The following MALRD1 variants were observed in gnomAD, a reference collection of about 807,000 sequenced individuals.
MALRD1 encodes the protein MAM and LDL receptor class A domain containing 1.
In MALRD1, 247 loss-of-function variants were observed where a neutral mutation model predicts 242.1. That is an observed-to-expected ratio of 1.02 (90% CI 0.92 to 1.13). The LOEUF (loss-of-function observed/expected upper bound fraction) is 1.13, where lower values mean the gene tolerates loss of function less well. Ranked by LOEUF, MALRD1 falls within the 50% of genes most tolerant of loss-of-function variation. The pLI, the probability that MALRD1 is intolerant of heterozygous loss-of-function variation, is 0.00. For synonymous variants in MALRD1, 995 were observed against 866.6 expected, an observed-to-expected ratio of 1.15 and a Z score of -2.60; for missense variants, 2,989 against 2,533.1, an observed-to-expected ratio of 1.18 and a Z score of -3.86.
At chr10:19,253,026 A>T (rs1839361543) in intron 18 of MALRD1, among the ~76,000 whole-genome samples, 1 of 151,978 alleles carries the variant, frequency 6.6e-6, no homozygotes, top group East Asian at 1.9e-4. Context: ...TAAATATTAG[A>T]TCGTTGTCTG....
intron 21 of MALRD1, among the ~76,000 whole-genome samples, chr10:19,323,474 C>G (rs1842987042): frequency 6.6e-6 from 1 of 152,020 alleles, no homozygotes; most frequent in South Asian, 2.1e-4. Flanking sequence ...ACTATGGGTT[C>G]AAAATCAAAG....
intron 29 of MALRD1, among the ~76,000 whole-genome samples, chr10:19,481,199 C>T (rs1836980473): frequency 6.6e-6 from 1 of 152,098 alleles, no homozygotes; most frequent in Non-Finnish European, 1.5e-5. Context: ...TTTCTGTGCA[C>T]TAATACATGG....
At chr10:19,199,102 C>T (rs1310955444) in intron 14 of MALRD1, among the ~76,000 whole-genome samples, 2 of 152,246 alleles carry the variant, frequency 1.3e-5, no homozygotes, top group East Asian at 3.9e-4. Context: ...CCTAAGCCAA[C>T]ATACTAGAAT....
At chr10:19,450,818 A>T (rs1835281941) in intron 29 of MALRD1, among the ~76,000 whole-genome samples, 1 of 152,154 alleles carries the variant, frequency 6.6e-6, no homozygotes, top group African/African-American at 2.4e-5. Flanking sequence ...GCTGGTTAAT[A>T]GATGGCACCT....
rs540745411 is a variant in MALRD1, at chr10:19,603,514, T to C, written c.5945-4263T>C. Among the ~76,000 whole-genome samples, 95 of 152,230 alleles carry C rather than the reference T, an allele frequency of 6.2e-4. 2 individuals are homozygous for C. In the South Asian group the frequency reaches 0.019, roughly 31 times the overall value. The stretch of plus-strand genomic sequence containing the variant: ...AGATCAGATGGTTGTAGATGTGTGG[T>C]ATTATTTCTGAGGGCTCTGTTCTGT... On this transcript the variant is annotated intron_variant, in intron 34 of 39. Coordinates refer to ENST00000454679, the MANE Select transcript of MALRD1 (RefSeq NM_001142308.3).
intron 28 of MALRD1, among the ~76,000 whole-genome samples, chr10:19,444,433 G>C (rs1834846424): frequency 6.6e-6 from 1 of 152,080 alleles, no homozygotes; most frequent in Non-Finnish European, 1.5e-5. Flanking sequence ...GCATGTTTTT[G>C]CAGTGCCTGG....
intron 7 of MALRD1, among the ~76,000 whole-genome samples, chr10:19,126,195 T>G (rs1359120331): frequency 6.6e-6 from 1 of 152,142 alleles, no homozygotes; most frequent in African/African-American, 2.4e-5. Flanking sequence ...CTTTGTTATT[T>G]GAAAATTTCA....
chr10:19,085,743 A>T (rs1211038867), intron 2 of MALRD1, among the ~76,000 whole-genome samples: 1 of 152,016 alleles, frequency 6.6e-6, no homozygotes, highest in Admixed American at 6.6e-5. Context: ...ATTATTTAAT[A>T]ACTTAATGTG....
chr10:19,568,273 C>T (rs962998759), intron 33 of MALRD1, among the ~76,000 whole-genome samples: 7 of 152,134 alleles, frequency 4.6e-5, no homozygotes, highest in Non-Finnish European at 1.0e-4. Context: ...CTTACTGAGT[C>T]TTCCATTTAA....
At chr10:19,402,273 G>T (rs890359713) in intron 28 of MALRD1, among the ~76,000 whole-genome samples, 3 of 152,150 alleles carry the variant, frequency 2.0e-5, no homozygotes, top group African/African-American at 7.2e-5. Context: ...AACGTAGCAA[G>T]ACCCCATGAT....
At chr10:19,684,136 A>T (rs1842480830) in intron 36 of MALRD1, among the ~76,000 whole-genome samples, 1 of 152,170 alleles carries the variant, frequency 6.6e-6, no homozygotes, top group African/African-American at 2.4e-5. Context: ...TTATGTCTGC[A>T]TATTTTAACT....
intron 38 of MALRD1, among the ~76,000 whole-genome samples, chr10:19,700,350 A>G (rs1458027570): frequency 1.3e-5 from 2 of 152,132 alleles, no homozygotes; most frequent in Non-Finnish European, 1.5e-5. Context: ...CCATGAGGAA[A>G]GGGTAGGAGG....
intron 18 of MALRD1, among the ~76,000 whole-genome samples, chr10:19,253,036 G>A (rs1839361915): frequency 6.6e-6 from 1 of 151,980 alleles, no homozygotes; most frequent in Admixed American, 6.6e-5. Flanking sequence ...ATCGTTGTCT[G>A]AATGCGTTTA....
At chr10:19,529,710 A>G (rs908083504) in intron 31 of MALRD1, among the ~76,000 whole-genome samples, 6 of 152,148 alleles carry the variant, frequency 3.9e-5, no homozygotes, top group African/African-American at 1.4e-4. Context: ...AGACCCAACT[A>G]TATATTGTCA....
intron 36 of MALRD1, among the ~76,000 whole-genome samples, chr10:19,648,590 T>A (rs1001148211): frequency 6.6e-6 from 1 of 152,000 alleles, no homozygotes; most frequent in Non-Finnish European, 1.5e-5. Flanking sequence ...GACCAAAGTA[T>A]CTCCAGTATA....
intron 24 of MALRD1, among the ~76,000 whole-genome samples, chr10:19,341,489 T>C (rs1843860563): frequency 6.8e-6 from 1 of 146,394 alleles, no homozygotes; most frequent in Non-Finnish European, 1.5e-5. Flanking sequence ...TATGTGTATA[T>C]ATATGTATAT....
At chr10:19,700,284 T>C (rs1301039612) in intron 38 of MALRD1, among the ~76,000 whole-genome samples, 3 of 152,116 alleles carry the variant, frequency 2.0e-5, no homozygotes, top group African/African-American at 7.2e-5. Flanking sequence ...AGCCAGAACA[T>C]AACCTTCCCC....
intron 28 of MALRD1, among the ~76,000 whole-genome samples, chr10:19,417,581 C>A (rs896001258): frequency 3.3e-5 from 5 of 152,094 alleles, no homozygotes; most frequent in African/African-American, 1.2e-4. Flanking sequence ...CAAATTTACT[C>A]TTAAGTAAAG....
chr10:19,149,491 A>G (rs1397057064), intron 11 of MALRD1, among the ~76,000 whole-genome samples: 1 of 152,074 alleles, frequency 6.6e-6, no homozygotes, highest in Non-Finnish European at 1.5e-5. Context: ...TTCCACTTTT[A>G]TCTATGTTCA....
Sources: gnomAD v4.1 joint callset for allele counts (sites outside exome capture counted in the v4.1 genomes callset) on GRCh38, gnomAD v4.1.1 for gene constraint, MANE v1.5 for transcripts, NCBI Gene and HGNC (gene_info 2026-07-23, HGNC 2026-07-21) for gene names.